The following SPATA6 variants were observed in gnomAD, a reference collection of about 807,000 sequenced individuals.
SPATA6 encodes spermatogenesis-associated protein 6.
SPATA6 carries 56 observed loss-of-function variants against 65.3 expected under a neutral mutation model. The observed-to-expected ratio is 0.86, with a 90% CI of 0.69 to 1.07. SPATA6 has a LOEUF of 1.07. Among genes scored for constraint, SPATA6 ranks in the 50% least tolerant of loss-of-function variants. SPATA6 has a pLI of 0.00. For missense variants in SPATA6, 590 were observed against 594.8 expected (o/e 0.99, Z 0.08); for synonymous variants, 199 against 213.2 (o/e 0.93, Z 0.58).
chr1:48,312,281 C>G (rs1219268427), intron 11 of SPATA6, among the ~76,000 whole-genome samples: 1 of 152,188 alleles, frequency 6.6e-6, no homozygotes, highest in Non-Finnish European at 1.5e-5. Flanking sequence ...AAGTGGGTCC[C>G]TGACACCCGA....
rs1570230279 is a variant in SPATA6, at chr1:48,345,884, A to G, written c.1194+9786T>C. On this transcript the variant is annotated intron_variant, in intron 11 of 12. Transcript: ENST00000371847. ...ACAACAACAAAAAACCTCAGGCCAG[A>G]TGGATTCACAGTTGAATTCTACCAG... 2.0e-5 allele frequency among the ~76,000 whole-genome samples: 3 copies of G among 152,202 alleles called. 1 individual carries two copies. Among genetic ancestry groups the G allele is most frequent in the Admixed American group, 2.0e-4 (3 of 15,254 alleles).
At chr1:48,322,974 G>A (rs969374533) in intron 11 of SPATA6, among the ~76,000 whole-genome samples, 1 of 152,202 alleles carries the variant, frequency 6.6e-6, no homozygotes, top group Non-Finnish European at 1.5e-5. Flanking sequence ...CTGTTGGTAG[G>A]AGTGTAAGTT....
At chr1:48,451,169 T>C (rs531033766) in intron 3 of SPATA6, among the ~76,000 whole-genome samples, 1 of 152,354 alleles carries the variant, frequency 6.6e-6, no homozygotes, top group Admixed American at 6.5e-5. Context: ...TGATCTGTTA[T>C]TCACTCTCTT....
intron 9 of SPATA6, among the ~76,000 whole-genome samples, chr1:48,369,179 G>A (rs971269355): frequency 1.4e-4 from 21 of 152,312 alleles, no homozygotes; most frequent in African/African-American, 5.1e-4. Context: ...GTACCCGGCC[G>A]TGTGAGGTGT....
intron 7 of SPATA6, among the ~76,000 whole-genome samples, chr1:48,396,997 T>C (rs1650655886): frequency 6.6e-6 from 1 of 151,714 alleles, no homozygotes; most frequent in Non-Finnish European, 1.5e-5. Context: ...AAATGTGGTA[T>C]ATAGTCTTAC....
intron 11 of SPATA6, among the ~76,000 whole-genome samples, chr1:48,346,899 C>T (rs1370224188): frequency 6.6e-6 from 1 of 151,920 alleles, no homozygotes; most frequent in Non-Finnish European, 1.5e-5. Context: ...CTGTCCAAAG[C>T]AATTTATATA....
At chr1:48,280,333 A>C in the SPATA6 span, among the ~76,000 whole-genome samples, 1 of 152,222 alleles carries the variant, frequency 6.6e-6, no homozygotes, top group Non-Finnish European at 1.5e-5. Context: ...AACTAAAATC[A>C]GAGCAGAACT....
In SPATA6 at chr1:48,471,888, G is replaced by A; in HGVS notation, c.51+70C>T. 1.9e-6 allele frequency: 3 copies of A among 1,568,274 alleles called. No individual in the cohort carries two copies. In the South Asian group the frequency reaches 3.4e-5, roughly 18 times the overall value. On this transcript the variant is annotated intron_variant, in intron 1 of 12. Coordinates refer to ENST00000371847, the MANE Select transcript of SPATA6 (RefSeq NM_019073.4). ...GTGAAGGAGGTTTGGGGGTGGTTCC[G>A]GGCTCTCGGAGGTGACTGAGGGAGT...
At chr1:48,435,537 A>G (rs1363471180) in intron 3 of SPATA6, among the ~76,000 whole-genome samples, 1 of 151,930 alleles carries the variant, frequency 6.6e-6, no homozygotes, top group African/African-American at 2.4e-5. Context: ...AGCATTGTAA[A>G]CACACCAATC....
intron 3 of SPATA6, among the ~76,000 whole-genome samples, chr1:48,445,403 C>A (rs1655923587): frequency 6.6e-6 from 1 of 152,140 alleles, no homozygotes; most frequent in Non-Finnish European, 1.5e-5. Context: ...GTGGCTCACG[C>A]CTGTAATCCC....
At chr1:48,315,375 C>G (rs549968318) in intron 11 of SPATA6, among the ~76,000 whole-genome samples, 13 of 152,160 alleles carry the variant, frequency 8.5e-5, no homozygotes, top group East Asian at 1.9e-4. Context: ...GGGATGCAAG[C>G]CTGGTTCAAC....
intron 5 of SPATA6, among the ~76,000 whole-genome samples, chr1:48,405,100 G>C (rs1480561689): frequency 6.6e-6 from 1 of 152,122 alleles, no homozygotes; most frequent in Non-Finnish European, 1.5e-5. Context: ...TAAAGAAAAG[G>C]TAAATCGGAG....
At chr1:48,462,470 A>G (rs566618424) in intron 1 of SPATA6, among the ~76,000 whole-genome samples, 1 of 152,366 alleles carries the variant, frequency 6.6e-6, no homozygotes, top group East Asian at 1.9e-4. Flanking sequence ...CCACAGCTCT[A>G]TACATCACAG....
Position 48,395,261 on chromosome 1 carries a change from G to C in SPATA6, c.868+6C>G. 4 of 1,537,744 alleles carry C rather than the reference G, an allele frequency of 2.6e-6. No individual in the cohort carries two copies. The highest frequency in any genetic ancestry group is 1.7e-4 in the Middle Eastern group (1 of 5,792). Reference sequence around the variant, plus strand: ...CAGCAATGAATAAAGACAACTTCTAGCTTACCATTGTGCACCCTTGACCAT... The same window carrying C: ...CAGCAATGAATAAAGACAACTTCTACCTTACCATTGTGCACCCTTGACCAT... On this transcript the variant is annotated splice_donor_region_variant and intron_variant, in intron 8 of 12. Coordinates refer to ENST00000371847, the MANE Select transcript of SPATA6 (RefSeq NM_019073.4).
At chr1:48,436,042 A>G in intron 3 of SPATA6, 1 of 1,609,304 alleles carries the variant, frequency 6.2e-7, no homozygotes, top group Non-Finnish European at 8.5e-7. Flanking sequence ...GTCTGAAACC[A>G]GTATCCATCA....
chr1:48,459,010 C>A, intron 1 of SPATA6, among the ~76,000 whole-genome samples: 1 of 151,800 alleles, frequency 6.6e-6, no homozygotes. Flanking sequence ...TTGAGACCAG[C>A]CTGGCCAACA....
chr1:48,317,776 C>T (rs1645482168), intron 11 of SPATA6, among the ~76,000 whole-genome samples: 1 of 152,082 alleles, frequency 6.6e-6, no homozygotes, highest in Non-Finnish European at 1.5e-5. Flanking sequence ...ACAACTTCTT[C>T]CCAAAAATTT....
chr1:48,375,664 A>C (rs1647806327), intron 9 of SPATA6, among the ~76,000 whole-genome samples: 1 of 152,164 alleles, frequency 6.6e-6, no homozygotes, highest in Non-Finnish European at 1.5e-5. Context: ...GGCAAAGACA[A>C]AATGCACACA....
At chr1:48,348,159 G>A (rs1346641331) in intron 11 of SPATA6, among the ~76,000 whole-genome samples, 2 of 151,992 alleles carry the variant, frequency 1.3e-5, no homozygotes, top group East Asian at 3.9e-4. Flanking sequence ...CTCCACCCAA[G>A]TTACTATTTG....
Sources: gnomAD v4.1 joint callset for allele counts (sites outside exome capture counted in the v4.1 genomes callset) on GRCh38, gnomAD v4.1.1 for gene constraint, MANE v1.5 for transcripts, NCBI Gene and HGNC (gene_info 2026-07-23, HGNC 2026-07-21) for gene names.